PEPD: variants seen among roughly 807,000 people sequenced by gnomAD.
PEPD encodes the protein peptidase D.
PEPD carries 53 observed loss-of-function variants against 60.7 expected under a neutral mutation model. The observed-to-expected ratio is 0.87, with a 90% CI of 0.70 to 1.10. PEPD has a LOEUF of 1.10. Among genes scored for constraint, PEPD ranks in the 50% least tolerant of loss-of-function variants. PEPD has a pLI of 0.00. For synonymous variants in PEPD, 267 were observed against 284.1 expected, an observed-to-expected ratio of 0.94 and a Z score of 0.60; for missense variants, 711 against 711.9, an observed-to-expected ratio of 1.00 and a Z score of 0.01.
intron 7 of PEPD, among the ~76,000 whole-genome samples, chr19:33,474,381 A>G (rs1406541223): frequency 1.3e-5 from 2 of 152,192 alleles, no homozygotes; most frequent in South Asian, 2.1e-4. Context: ...TACCTAATAC[A>G]CCACAAATAT....
chr19:33,434,281 C>A (rs898171287), intron 9 of PEPD, among the ~76,000 whole-genome samples: 1 of 152,152 alleles, frequency 6.6e-6, no homozygotes, highest in Non-Finnish European at 1.5e-5. Context: ...GCTCTAGACT[C>A]CTCCCCCACC....
intron 9 of PEPD, among the ~76,000 whole-genome samples, chr19:33,449,622 G>A (rs545278707): frequency 3.9e-5 from 6 of 152,220 alleles, no homozygotes; most frequent in African/African-American, 1.2e-4. Flanking sequence ...TAACAGCCCC[G>A]GATCACATCC....
Position 33,387,394 on chromosome 19 carries a change from A to G in PEPD, c.1432T>C (p.Cys478Arg), listed in dbSNP as rs987352254. The G allele has an allele frequency of 1.9e-6, 3 of 1,614,000 alleles. No individual in the cohort carries two copies. The highest frequency in any genetic ancestry group is 1.7e-5 in the Admixed American group (1 of 60,010). The change falls in exon 15 of 15, where the codon TGC (cysteine) becomes CGC (arginine). Residue 478 changes from cysteine to arginine, a missense_variant. Physicochemically the swap from Cys to Arg is radical, Grantham distance 180 (BLOSUM62 -3). Coordinates refer to ENST00000244137, the MANE Select transcript of PEPD (RefSeq NM_000285.4). ...AAGGCCTTGTCACAGCCTGCCATGC[A>G]TGCTTCAATCTCTTCCACAGTGCGG... is the stretch of plus-strand genomic sequence containing the variant. ...VPRTVEEIEA[C>R]MAGCDKAFTP... is the part of the protein sequence containing the mutation.
At chr19:33,507,330 G>A (rs1415115925) in intron 3 of PEPD, among the ~76,000 whole-genome samples, 1 of 151,942 alleles carries the variant, frequency 6.6e-6, no homozygotes, top group East Asian at 1.9e-4. Flanking sequence ...AAAATGATGG[G>A]AAATGCTCTC....
chr19:33,520,547 C>A (rs1294799691), intron 1 of PEPD, among the ~76,000 whole-genome samples: 1 of 152,220 alleles, frequency 6.6e-6, no homozygotes, highest in Non-Finnish European at 1.5e-5. Context: ...GTTCCAGTGG[C>A]CTGTGAGTAC....
chr19:33,395,235 T>A (rs886115825), intron 12 of PEPD: 1 of 152,442 alleles, frequency 6.6e-6, no homozygotes, highest in African/African-American at 2.4e-5. Context: ...CCCCTTCCTG[T>A]ACTTTGAGAA....
At chr19:33,484,906 A>T (rs1316132462) in intron 6 of PEPD, among the ~76,000 whole-genome samples, 9 of 152,250 alleles carry the variant, frequency 5.9e-5, no homozygotes. Context: ...CATGCTGGTT[A>T]GCATTTTCTA....
chr19:33,464,882 A>G (rs1969992788), intron 7 of PEPD, among the ~76,000 whole-genome samples: 1 of 151,886 alleles, frequency 6.6e-6, no homozygotes, highest in Non-Finnish European at 1.5e-5. Context: ...TTCGTTTTCT[A>G]CCTCCACCCA....
chr19:33,487,793 C>T (rs904338682), intron 6 of PEPD, among the ~76,000 whole-genome samples: 1 of 152,144 alleles, frequency 6.6e-6, no homozygotes, highest in African/African-American at 2.4e-5. Context: ...TTGCAGAGCA[C>T]AGGCTCCTCT....
At chr19:33,494,383 A>G (rs904725485) in intron 4 of PEPD, among the ~76,000 whole-genome samples, 1 of 152,224 alleles carries the variant, frequency 6.6e-6, no homozygotes, top group Non-Finnish European at 1.5e-5. Flanking sequence ...AGACATTTTG[A>G]TAAGTTTTGA....
At chr19:33,429,674 A>C (rs1266290039) in intron 9 of PEPD, among the ~76,000 whole-genome samples, 1 of 152,242 alleles carries the variant, frequency 6.6e-6, no homozygotes, top group Non-Finnish European at 1.5e-5. Flanking sequence ...GGCATAAACT[A>C]TACAGGAAAG....
At chr19:33,437,039 G>A (rs750200432) in intron 9 of PEPD, among the ~76,000 whole-genome samples, 2 of 152,182 alleles carry the variant, frequency 1.3e-5, no homozygotes, top group East Asian at 1.9e-4. Flanking sequence ...CGGAAGAGGA[G>A]CAGCAACCAG....
chr19:33,407,170 G>A (rs1051733173), intron 11 of PEPD, among the ~76,000 whole-genome samples: 1 of 152,342 alleles, frequency 6.6e-6, no homozygotes, highest in African/African-American at 2.4e-5. Context: ...CCACCTGATC[G>A]GGAAGTGAGG....
chr19:33,413,813 G>T (rs76544677), intron 9 of PEPD, among the ~76,000 whole-genome samples, 170 bp from the exon 10 acceptor site: 2,207 of 152,344 alleles, frequency 0.014, 59 homozygotes, highest in African/African-American at 0.05. Flanking sequence ...CTGGGGGTCA[G>T]TCATAGGCTG....
chr19:33,492,343 A>T (rs925472634), intron 5 of PEPD, among the ~76,000 whole-genome samples: 5 of 152,012 alleles, frequency 3.3e-5, no homozygotes, highest in Non-Finnish European at 7.4e-5. Flanking sequence ...GACCCCTTTA[A>T]CAGGGGAGAC....
intron 11 of PEPD, among the ~76,000 whole-genome samples, chr19:33,408,191 C>T (rs1283927357): frequency 1.3e-5 from 2 of 152,228 alleles, no homozygotes; most frequent in Non-Finnish European, 2.9e-5. Flanking sequence ...GTCGAAGACA[C>T]GGAACAGGAC....
chr19:33,433,398 T>C (rs1022844474), intron 9 of PEPD, among the ~76,000 whole-genome samples: 4 of 152,230 alleles, frequency 2.6e-5, no homozygotes, highest in East Asian at 1.9e-4. Flanking sequence ...CTTGGAATAA[T>C]GATGCCCACT....
chr19:33,505,420 C>A (rs891216989), intron 3 of PEPD, among the ~76,000 whole-genome samples: 1 of 152,100 alleles, frequency 6.6e-6, no homozygotes, highest in African/African-American at 2.4e-5. Flanking sequence ...GAGGGAACAG[C>A]GCTGCCCGGG....
intron 11 of PEPD, among the ~76,000 whole-genome samples, chr19:33,410,834 C>T (rs1342587017): frequency 2.6e-5 from 4 of 152,126 alleles, no homozygotes; most frequent in Non-Finnish European, 5.9e-5. Flanking sequence ...GGCTGAGCCC[C>T]AGGGCTCCAG....
Sources: gnomAD v4.1 joint callset for allele counts (sites outside exome capture counted in the v4.1 genomes callset) on GRCh38, gnomAD v4.1.1 for gene constraint, MANE v1.5 for transcripts, NCBI Gene and HGNC (gene_info 2026-07-23, HGNC 2026-07-21) for gene names.